The following THADA variants were observed in gnomAD, a reference collection of about 807,000 sequenced individuals.
The protein encoded by THADA is THADA armadillo repeat containing, also known as tRNA (32-2'-O)-methyltransferase regulator THADA.
THADA carries 213 observed loss-of-function variants against 219.8 expected under a neutral mutation model. That is an observed-to-expected ratio of 0.97 (90% CI 0.87 to 1.09). The LOEUF is 1.09. Ranked by LOEUF, THADA falls within the 50% of genes least tolerant of loss-of-function variation. The pLI, the probability that THADA is intolerant of heterozygous loss-of-function variation, is 0.00. For synonymous variants in THADA, 1,018 were observed against 828.9 expected, an observed-to-expected ratio of 1.23 and a Z score of -3.92; for missense variants, 2,956 against 2,311.3, an observed-to-expected ratio of 1.28 and a Z score of -5.72.
intron 26 of THADA, among the ~76,000 whole-genome samples, chr2:43,456,169 T>C (rs953172456): frequency 1.2e-4 from 18 of 152,242 alleles, no homozygotes; most frequent in African/African-American, 3.9e-4. Flanking sequence ...AAACTCATCA[T>C]TGTTAAGGCA....
chr2:43,580,193 GT>G (rs112438660), intron 8 of THADA, among the ~76,000 whole-genome samples: 4 of 149,144 alleles, frequency 2.7e-5, no homozygotes, highest in Non-Finnish European at 5.9e-5. Flanking sequence ...CCCAGCTAAT[GT>G]TTTTTTTTGT....
intron 29 of THADA, among the ~76,000 whole-genome samples, chr2:43,358,316 G>A (rs908962398): frequency 2.6e-5 from 4 of 152,098 alleles, no homozygotes; most frequent in Non-Finnish European, 5.9e-5. Flanking sequence ...ACAGGTAGGT[G>A]TGTGGTATTT....
chr2:43,296,160 T>C (rs1675351780), intron 31 of THADA, among the ~76,000 whole-genome samples: 1 of 152,030 alleles, frequency 6.6e-6, no homozygotes, highest in Non-Finnish European at 1.5e-5. Context: ...CCTCGTGATC[T>C]GCTCGCCTCA....
intron 28 of THADA, among the ~76,000 whole-genome samples, chr2:43,410,751 G>A (rs1676182890): frequency 6.6e-6 from 1 of 152,038 alleles, no homozygotes; most frequent in African/African-American, 2.4e-5. Context: ...GGTTGGGTAA[G>A]GATTACAAAG....
In THADA at chr2:43,592,048, T is replaced by C. The variant is rs1269420226; in HGVS notation, c.77-2A>G. The C allele has an allele frequency of 6.5e-7, 1 of 1,540,772 alleles. No individual in the cohort carries two copies. The highest frequency in any genetic ancestry group is 1.4e-5 in the African/African-American group (1 of 72,508). On this transcript the variant is annotated splice_acceptor_variant, in intron 2 of 37. Transcript: ENST00000405975. LOFTEE classifies it high-confidence loss of function. ...TTTTCCCTTCCACATCAGCAAAAGC[T>C]ATATAACATATACAAAAAAAAATTT...
At chr2:43,592,239 G>C in intron 2 of THADA, 78 bp downstream of exon 2, 2 of 1,102,648 alleles carry the variant, frequency 1.8e-6, no homozygotes, top group African/African-American at 3.2e-5. Flanking sequence ...AATATTATAT[G>C]CTAGGGGTCC....
At chr2:43,373,464 T>C (rs748512488) in intron 29 of THADA, among the ~76,000 whole-genome samples, 1 of 151,924 alleles carries the variant, frequency 6.6e-6, no homozygotes, top group Non-Finnish European at 1.5e-5. Context: ...TAGCTTGTAA[T>C]AAATCTCAGT....
Position 43,279,847 on chromosome 2 carries a change from C to G in THADA, c.5214G>C (p.Gln1738His). ...CATCTCTAACAGCTTGCTCCTCACTCTGCAGAAGGGTAAGGACACACTTCC... is the reference window on the plus strand; with the variant it reads ...CATCTCTAACAGCTTGCTCCTCACTGTGCAGAAGGGTAAGGACACACTTCC... ...ALWKCVLTLL[Q>H]SEEQAVRDAA... is the part of the protein sequence containing the mutation. Residue 1738 changes from glutamine to histidine, a missense_variant, in exon 36 of 38, where the codon CAG (glutamine) becomes CAC (histidine). By Grantham distance (24) the Gln-to-His change is conservative. Transcript: ENST00000405975. The G allele has an allele frequency of 6.4e-7, 1 of 1,569,724 alleles. No individual in the cohort carries two copies. Among genetic ancestry groups the G allele is most frequent in the Non-Finnish European group, 8.6e-7 (1 of 1,157,478 alleles).
intron 7 of THADA, among the ~76,000 whole-genome samples, chr2:43,585,717 C>CA (rs572890309): frequency 9.2e-4 from 139 of 151,826 alleles, no homozygotes; most frequent in African/African-American, 3.2e-3. Flanking sequence ...TGATAAAAAA[C>CA]AAAAAAACTA....
At chr2:43,245,941 T>C (rs1669095124) in intron 36 of THADA, among the ~76,000 whole-genome samples, 1 of 152,058 alleles carries the variant, frequency 6.6e-6, no homozygotes, top group Admixed American at 6.6e-5. Flanking sequence ...TCTTACTAGA[T>C]ACTCGCCTCC....
intron 25 of THADA, among the ~76,000 whole-genome samples, chr2:43,489,904 G>T (rs1160900910): frequency 8.5e-6 from 1 of 117,456 alleles, no homozygotes; most frequent in South Asian, 2.6e-4. Flanking sequence ...AGCTAGAAGG[G>T]ATTTAACAGA....
intron 13 of THADA, among the ~76,000 whole-genome samples, chr2:43,571,493 G>C (rs1451420724): frequency 6.6e-6 from 1 of 151,888 alleles, no homozygotes; most frequent in Non-Finnish European, 1.5e-5. Flanking sequence ...AAAAAATGGT[G>C]GGGGGAGGGG....
Position 43,570,515 on chromosome 2 carries a change from T to G in THADA, c.2065-5A>C. ...TTCCTGTATCCTACAAAACAACTTT[T>G]GAAACAAAGGAAATGAAGCACAGGT... On this transcript the variant is annotated splice_region_variant and splice_polypyrimidine_tract_variant and intron_variant, in intron 13 of 37. Coordinates refer to ENST00000405975, the MANE Select transcript of THADA (RefSeq NM_022065.5). 6.2e-7 allele frequency: 1 copy of G among 1,603,310 alleles called. No homozygotes were observed. The highest frequency in any genetic ancestry group is 8.5e-7 in the Non-Finnish European group (1 of 1,177,072).
At chr2:43,566,328 G>A in intron 15 of THADA, 1 of 557,762 alleles carries the variant, frequency 1.8e-6, no homozygotes, top group East Asian at 3.0e-5. Context: ...GAGACTCACT[G>A]AGAAATATTA....
chr2:43,408,329 T>A (rs1300958829), intron 28 of THADA: 1 of 152,208 alleles, frequency 6.6e-6, no homozygotes, highest in Admixed American at 6.6e-5. Flanking sequence ...GCAGCACATA[T>A]ACTAAAATTG....
chr2:43,541,941 T>C (rs989650270), intron 20 of THADA, among the ~76,000 whole-genome samples: 4 of 152,182 alleles, frequency 2.6e-5, no homozygotes, highest in Admixed American at 2.6e-4. Flanking sequence ...ATAAATACAC[T>C]CCTTATTTAT....
intron 25 of THADA, among the ~76,000 whole-genome samples, chr2:43,495,124 T>C (rs974787586): frequency 9.8e-5 from 15 of 152,304 alleles, no homozygotes; most frequent in African/African-American, 3.6e-4. Flanking sequence ...TTAAAATCAC[T>C]TCAACAGAGA....
intron 17 of THADA, among the ~76,000 whole-genome samples, chr2:43,555,302 T>TA (rs1407604229): frequency 6.6e-6 from 1 of 151,584 alleles, no homozygotes; most frequent in Non-Finnish European, 1.5e-5. Context: ...GCTTCAAAGA[T>TA]ATGAGTGTTA....
chr2:43,486,073 G>C (rs765107191), intron 25 of THADA, among the ~76,000 whole-genome samples: 20 of 151,874 alleles, frequency 1.3e-4, no homozygotes, highest in Admixed American at 1.3e-4. Context: ...AAAAGAGTGA[G>C]AACCTGTCTT....
Sources: gnomAD v4.1 joint callset for allele counts (sites outside exome capture counted in the v4.1 genomes callset) on GRCh38, gnomAD v4.1.1 for gene constraint, MANE v1.5 for transcripts, NCBI Gene and HGNC (gene_info 2026-07-23, HGNC 2026-07-21) for gene names.